The following USP10 variants were observed in gnomAD, a reference collection of about 807,000 sequenced individuals.
The protein encoded by USP10 is ubiquitin specific peptidase 10, also known as ubiquitin carboxyl-terminal hydrolase 10.
USP10 carries 22 observed loss-of-function variants against 84.5 expected under a neutral mutation model. The observed-to-expected ratio is 0.26, with a 90% CI of 0.19 to 0.37. USP10 has a LOEUF of 0.37. Among genes scored for constraint, USP10 ranks in the 10% least tolerant of loss-of-function variants. The pLI, the probability that USP10 is intolerant of heterozygous loss-of-function variation, is 1.00. For missense variants in USP10, 1,019 were observed against 998.9 expected (o/e 1.02, Z -0.27); for synonymous variants, 454 against 387.6 (o/e 1.17, Z -2.01).
chr16:84,767,986 G>A (rs1914044437), intron 10 of USP10, among the ~76,000 whole-genome samples: 2 of 152,006 alleles, frequency 1.3e-5, no homozygotes, highest in African/African-American at 2.4e-5. Context: ...GACTCTTAAC[G>A]AGCATGCTGC....
chr16:84,751,732 G>A lies in USP10; in HGVS notation c.1192+6059G>A, dbSNP rs186343166. ...ACTTGGAGAATGTTCTGGACAGTTAGAATGATGACAGAAAAGCAGGTCAAC... is the reference window on the plus strand; with the variant it reads ...ACTTGGAGAATGTTCTGGACAGTTAAAATGATGACAGAAAAGCAGGTCAAC... On this transcript the variant is annotated intron_variant, in intron 4 of 13. Transcript: ENST00000219473. 3.5e-3 allele frequency among the ~76,000 whole-genome samples: 534 copies of A among 152,312 alleles called. 1 individual carries two copies. The highest frequency in any genetic ancestry group is 4.8e-3 in the Non-Finnish European group (326 of 68,024).
chr16:84,720,992 C>G (rs1907732077), intron 1 of USP10, among the ~76,000 whole-genome samples: 1 of 150,560 alleles, frequency 6.6e-6, no homozygotes, highest in Admixed American at 6.6e-5. Flanking sequence ...CTGCCGTATT[C>G]AAGCTATTTT....
At chr16:84,751,215 C>G (rs1051603169) in intron 4 of USP10, among the ~76,000 whole-genome samples, 1 of 152,088 alleles carries the variant, frequency 6.6e-6, no homozygotes, top group South Asian at 2.1e-4. Flanking sequence ...AGCATATGGC[C>G]CAGGTGTGTA....
chr16:84,764,937 A>AT (rs1364532157), intron 10 of USP10, among the ~76,000 whole-genome samples: 5 of 76,902 alleles, frequency 6.5e-5, no homozygotes, highest in Admixed American at 1.4e-4. Flanking sequence ...GAGAGAAAAA[A>AT]AAATATATAT....
chr16:84,760,229 A>T lies in USP10; in HGVS notation c.1508A>T (p.Tyr503Phe). 6.2e-7 allele frequency: 1 copy of T among 1,611,232 alleles called. No homozygotes were observed. Among genetic ancestry groups the T allele is most frequent in the Non-Finnish European group, 8.5e-7 (1 of 1,178,610 alleles). ...IRPGAAFEPT[Y>F]IYRLLTVNKS... ...CCTGGAGCTGCCTTTGAGCCCACAT[A>T]TATTTACAGACTCCTGACAGTTAAC... Residue 503 changes from tyrosine (Y) to phenylalanine (F), a missense_variant, in exon 8 of 14, where the codon TAT becomes TTT. By Grantham distance (22) the Tyr-to-Phe change is conservative. This residue lies in a region of USP10 where 787 missense variants were observed against 708.8 expected (regional missense o/e 1.11). Coordinates refer to ENST00000219473, the MANE Select transcript of USP10 (RefSeq NM_005153.3).
intron 4 of USP10, among the ~76,000 whole-genome samples, chr16:84,747,438 T>G (rs1911362150): frequency 6.6e-6 from 1 of 152,174 alleles, no homozygotes; most frequent in Admixed American, 6.5e-5. Context: ...ATTTTATTCC[T>G]TATACAAAAT....
intron 4 of USP10, among the ~76,000 whole-genome samples, chr16:84,757,393 AGGGGTGG>A (rs1399824939): frequency 0.045 from 4,328 of 96,110 alleles, 183 homozygotes; most frequent in African/African-American, 0.12. Context: ...AGGGAATGAG[AGGGGTGG>A]GGGTGTGTGT....
chr16:84,733,457 C>G lies in USP10; in HGVS notation c.44C>G (p.Pro15Arg). ...CAGTATATTTTTGGAGATTTTAGCC[C>G]TGATGAATTCAATCAATTCTTTGTG... is the stretch of plus-strand genomic sequence containing the variant. ...SPQYIFGDFSPDEFNQFFVTP... is the reference protein window; with the variant it reads ...SPQYIFGDFSRDEFNQFFVTP... The change falls in exon 2 of 14, where the codon CCT (proline) becomes CGT (arginine). Residue 15 changes from proline (P) to arginine (R), a missense_variant. Transcript: ENST00000219473. 6.2e-7 allele frequency: 1 copy of G among 1,609,118 alleles called. No homozygotes were observed.
At chr16:84,770,953 C>G (rs1339190502) in intron 11 of USP10, among the ~76,000 whole-genome samples, 1 of 151,902 alleles carries the variant, frequency 6.6e-6, no homozygotes, top group African/African-American at 2.4e-5. Context: ...GTAGTCCCAG[C>G]CTCTCAGGAG....
intron 13 of USP10, 58 bp from the exon 14 acceptor site, chr16:84,778,837 T>A (rs1597419730): frequency 2.6e-6 from 4 of 1,529,148 alleles, no homozygotes; most frequent in East Asian, 4.8e-5. Context: ...GGCGGAGACC[T>A]GTAATGATTC....
chr16:84,735,236 T>G (rs867214580), intron 2 of USP10, among the ~76,000 whole-genome samples: 16 of 121,582 alleles, frequency 1.3e-4, no homozygotes, highest in Non-Finnish European at 1.7e-4. Flanking sequence ...TGTGTGTGTG[T>G]GGTGTGTGTG....
chr16:84,725,874 C>G (rs1908403906), intron 1 of USP10, among the ~76,000 whole-genome samples: 1 of 152,174 alleles, frequency 6.6e-6, no homozygotes, highest in Admixed American at 6.5e-5. Context: ...CATGTTTCCC[C>G]AAATTGAGCT....
At chr16:84,710,718 A>G (rs1597273030) in intron 1 of USP10, among the ~76,000 whole-genome samples, 1 of 152,236 alleles carries the variant, frequency 6.6e-6, no homozygotes, top group East Asian at 1.9e-4. Context: ...TGGATTTAAC[A>G]GCGTTTTTAG....
intron 12 of USP10, among the ~76,000 whole-genome samples, chr16:84,774,620 G>A (rs149989842): frequency 8.2e-4 from 124 of 152,076 alleles, no homozygotes; most frequent in Non-Finnish European, 1.6e-3. Flanking sequence ...ACAGCCGCGT[G>A]CCACCACGCC....
intron 4 of USP10, among the ~76,000 whole-genome samples, chr16:84,754,023 G>A (rs549426276): frequency 1.3e-5 from 2 of 152,162 alleles, no homozygotes; most frequent in East Asian, 1.9e-4. Context: ...GACACAAAAG[G>A]CCACCAAGTC....
chr16:84,706,227 A>T (rs1905485690), intron 1 of USP10, among the ~76,000 whole-genome samples: 1 of 151,902 alleles, frequency 6.6e-6, no homozygotes, highest in African/African-American at 2.4e-5. Flanking sequence ...TTTTGATAGG[A>T]CATGTTGAAG....
At chr16:84,752,504 T>C (rs1259776858) in intron 4 of USP10, among the ~76,000 whole-genome samples, 1 of 152,244 alleles carries the variant, frequency 6.6e-6, no homozygotes, top group Non-Finnish European at 1.5e-5. Flanking sequence ...ATAATTGGAA[T>C]GCGTATTGGA....
chr16:84,768,272 G>T lies in USP10; in HGVS notation c.1912G>T (p.Asp638Tyr). 1 of 1,607,124 alleles carries T rather than the reference G, an allele frequency of 6.2e-7. No individual in the cohort carries two copies. The highest frequency in any genetic ancestry group is 1.1e-5 in the South Asian group (1 of 89,488). Reference sequence around the variant, plus strand: ...CACGTTGCAGTTGGATATCCAGTCAGACAAGATACGCACAGTCCAGGATGC... The same window carrying T: ...CACGTTGCAGTTGGATATCCAGTCATACAAGATACGCACAGTCCAGGATGC... ...FFTLQLDIQS[D>Y]KIRTVQDALE... The change falls in exon 11 of 14, where the codon GAC becomes TAC. Residue 638 changes from aspartate (D) to tyrosine (Y), a missense_variant. Asp to Tyr is a radical substitution (Grantham distance 160). Around this residue, in one of 2 missense-constraint regions of USP10, gnomAD observed 232 missense variants for 290.1 expected, o/e 0.80. Transcript: ENST00000219473.
At chr16:84,742,381 C>G (rs772164666) in intron 3 of USP10, among the ~76,000 whole-genome samples, 9 of 152,216 alleles carry the variant, frequency 5.9e-5, no homozygotes, top group Admixed American at 2.0e-4. Flanking sequence ...TCTCCCCTCC[C>G]TCCATGTTTT....
Sources: gnomAD v4.1 joint callset for allele counts (sites outside exome capture counted in the v4.1 genomes callset) on GRCh38, gnomAD v4.1.1 for gene constraint, gnomAD v4.1.1 regional missense constraint, MANE v1.5 for transcripts, NCBI Gene and HGNC (gene_info 2026-07-23, HGNC 2026-07-21) for gene names.